Variants in DPP6 observed in about 807,000 individuals in gnomAD.
DPP6 encodes A-type potassium channel modulatory protein DPP6.
DPP6 carries 69 observed loss-of-function variants against 122.6 expected under a neutral mutation model. The ratio of observed to expected loss-of-function variants is 0.56; its 90% CI spans 0.46 to 0.69. The LOEUF (loss-of-function observed/expected upper bound fraction) is 0.69. Ranked by LOEUF, DPP6 falls within the 30% of genes least tolerant of loss-of-function variation. The probability of loss-of-function intolerance (pLI) is 0.00; values close to 1 mark genes in which losing one functional copy is unlikely to be tolerated. For missense variants in DPP6, 928 were observed against 1,116.9 expected (o/e 0.83, Z 2.41); for synonymous variants, 418 against 433.1 (o/e 0.97, Z 0.43).
In DPP6 at chr7:154,004,471, G is replaced by A. The variant is rs528979932; in HGVS notation, c.51+116737G>A. Among the ~76,000 whole-genome samples, 44 of 151,898 alleles carry A rather than the reference G, an allele frequency of 2.9e-4. No individual in the cohort carries two copies. The East Asian group carries it at 7.6e-3, about 26-fold the overall frequency. On this transcript the variant is annotated intron_variant, in intron 1 of 25. Coordinates refer to the DPP6 transcript ENST00000404039. ...AGATCAGGCATAATATATCCAAAGT[G>A]TAAAGTCTTTGGAAACTCTCGATGA...
chr7:154,769,936 G>A (rs576659144), intron 9 of DPP6, among the ~76,000 whole-genome samples: 4 of 152,270 alleles, frequency 2.6e-5, no homozygotes, highest in African/African-American at 9.6e-5. Context: ...ACTTCCATCT[G>A]CCCCTGGTCC....
upstream of DPP6, among the ~76,000 whole-genome samples, chr7:153,886,829 C>A (rs535317645): frequency 6.6e-6 from 1 of 152,164 alleles, no homozygotes; most frequent in East Asian, 1.9e-4. Flanking sequence ...CGGGCACAGC[C>A]GCGTCTGGCT....
intron 8 of DPP6, among the ~76,000 whole-genome samples, chr7:154,739,143 G>A (rs1231316011): frequency 2.6e-5 from 4 of 152,256 alleles, no homozygotes; most frequent in South Asian, 2.1e-4. Context: ...GCACTTCTAC[G>A]CATGACTCAT....
At chr7:153,883,766 A>C (rs1478277473), upstream of DPP6, among the ~76,000 whole-genome samples, 1 of 152,222 alleles carries the variant, frequency 6.6e-6, no homozygotes, top group Non-Finnish European at 1.5e-5. Flanking sequence ...CACGTTGCAA[A>C]GAATGAACAG....
chr7:154,027,778 A>T (rs1047359894), intron 1 of DPP6, among the ~76,000 whole-genome samples: 1 of 151,588 alleles, frequency 6.6e-6, no homozygotes. Context: ...TCTTCCCCTT[A>T]TCCAAATGAT....
At chr7:154,667,779 C>T (rs944616382) in intron 6 of DPP6, among the ~76,000 whole-genome samples, 1 of 152,064 alleles carries the variant, frequency 6.6e-6, no homozygotes, top group African/African-American at 2.4e-5. Context: ...ACAGAACCTG[C>T]AATATTAGGA....
chr7:154,414,257 G>T (rs1816840308), intron 1 of DPP6, among the ~76,000 whole-genome samples: 1 of 152,180 alleles, frequency 6.6e-6, no homozygotes, highest in African/African-American at 2.4e-5. Context: ...AAAGAGAAGA[G>T]CCTGTCTAGC....
chr7:153,770,885 A>G, the DPP6 span, among the ~76,000 whole-genome samples: 4 of 152,204 alleles, frequency 2.6e-5, no homozygotes, highest in African/African-American at 9.6e-5. Flanking sequence ...AATAAATATA[A>G]AGATGGATTA....
chr7:154,060,385 T>C (rs1801596302), intron 1 of DPP6, among the ~76,000 whole-genome samples: 3 of 106,534 alleles, frequency 2.8e-5, no homozygotes, highest in African/African-American at 4.0e-5. Context: ...GTTCCCCCAC[T>C]GGCTCTTAGG....
chr7:153,945,890 C>T (rs1201564609), intron 1 of DPP6, among the ~76,000 whole-genome samples: 4 of 152,052 alleles, frequency 2.6e-5, no homozygotes, highest in Non-Finnish European at 5.9e-5. Flanking sequence ...TTTTTATTGA[C>T]GTAGAACACG....
chr7:154,819,820 T>G (rs1799648248), intron 16 of DPP6, among the ~76,000 whole-genome samples: 1 of 152,196 alleles, frequency 6.6e-6, no homozygotes. Flanking sequence ...CACAAGGGAA[T>G]GTAACATAAT....
rs1258741936 is a variant in DPP6 at position 154,486,884 on chromosome 7, G to T, written c.457+11847G>T. Among the ~76,000 whole-genome samples the T allele has an allele frequency of 6.6e-6, 1 of 152,120 alleles. No individual in the cohort carries two copies. Among genetic ancestry groups the T allele is most frequent in the African/African-American group, 2.4e-5 (1 of 41,414 alleles). On this transcript the variant is annotated intron_variant, in intron 3 of 25. Transcript: ENST00000377770. This position sits in a 1 kb window ranked among gnomAD's most constrained non-coding sequence, Gnocchi z 4.5. ...AGTTCCTAACTGATGGATGATGCTG[G>T]GCCCCGCTGTTGATGCTGCTTAATT...
Position 154,626,802 on chromosome 7 carries a change from A to T in DPP6, c.628-11019A>T, listed in dbSNP as rs1056596547. On this transcript the variant is annotated intron_variant, in intron 5 of 25. Transcript: ENST00000377770. Reference sequence around the variant, plus strand: ...GGAATCTGACAACTGTATGTCTTCTATATTTTAACCCTTGTATAAATGGTT... The same window carrying T: ...GGAATCTGACAACTGTATGTCTTCTTTATTTTAACCCTTGTATAAATGGTT... Among the ~76,000 whole-genome samples, 6 of 152,302 alleles carry T rather than the reference A, an allele frequency of 3.9e-5. No homozygotes were observed. The South Asian group carries it at 6.2e-4, about 16-fold the overall frequency.
At chr7:154,007,469 T>A (rs2129047734) in intron 1 of DPP6, among the ~76,000 whole-genome samples, 2 of 152,210 alleles carry the variant, frequency 1.3e-5, no homozygotes, top group South Asian at 2.1e-4. Flanking sequence ...TTAAAAAAAA[T>A]TCTCAGATGA....
intron 17 of DPP6, chr7:154,858,555 C>T (rs1183679201): frequency 6.6e-6 from 1 of 152,564 alleles, no homozygotes; most frequent in Admixed American, 6.5e-5. Flanking sequence ...GCCCATACAC[C>T]ACCCCCGGGG....
chr7:154,340,667 G>C (rs1006328910), intron 1 of DPP6, among the ~76,000 whole-genome samples: 1 of 152,192 alleles, frequency 6.6e-6, no homozygotes, highest in East Asian at 1.9e-4. Flanking sequence ...CAGAAGCACT[G>C]GTGATAGCAG....
chr7:154,841,073 C>T (rs563577023), intron 16 of DPP6, among the ~76,000 whole-genome samples: 17 of 152,232 alleles, frequency 1.1e-4, no homozygotes, highest in Admixed American at 3.9e-4. Context: ...CTTAATTGCT[C>T]GGATCGAAAG....
intron 1 of DPP6, among the ~76,000 whole-genome samples, chr7:154,034,076 C>T (rs1799393764): frequency 6.6e-6 from 1 of 152,174 alleles, no homozygotes. Context: ...ATAGTGTTCA[C>T]AGCTGTATCA....
intron 13 of DPP6, 87 bp downstream of exon 13, chr7:154,801,549 C>T (rs773758734): frequency 6.2e-6 from 9 of 1,450,334 alleles, no homozygotes; most frequent in African/African-American, 2.9e-5. Context: ...GGCACACTTG[C>T]GTTTTCGAGG....
Sources: gnomAD v4.1 joint callset for allele counts (sites outside exome capture counted in the v4.1 genomes callset) on GRCh38, gnomAD v4.1.1 for gene constraint, Gnocchi (gnomAD v3.1) non-coding constraint, MANE v1.5 for transcripts, NCBI Gene and HGNC (gene_info 2026-07-23, HGNC 2026-07-21) for gene names.